The following LTBP1 variants were observed in gnomAD, a reference collection of about 807,000 sequenced individuals.
LTBP1 encodes latent transforming growth factor beta binding protein 1.
In LTBP1, 129 loss-of-function variants were observed where a neutral mutation model predicts 207.6. That is an observed-to-expected ratio of 0.62 (90% CI 0.54 to 0.72). The LOEUF (loss-of-function observed/expected upper bound fraction) is 0.72. Among genes scored for constraint, LTBP1 ranks in the 30% least tolerant of loss-of-function variants. The probability of loss-of-function intolerance (pLI) is 0.00; values close to 1 mark genes in which losing one functional copy is unlikely to be tolerated. For missense variants in LTBP1, 2,281 were observed against 2,217.2 expected (o/e 1.03, Z -0.58); for synonymous variants, 963 against 833.7 (o/e 1.16, Z -2.67).
intron 5 of LTBP1, among the ~76,000 whole-genome samples, chr2:33,163,925 A>G (rs886479619): frequency 1.3e-5 from 2 of 152,224 alleles, no homozygotes; most frequent in East Asian, 3.9e-4. Flanking sequence ...ATAGTGCTCT[A>G]TCCAGAAAAG....
At chr2:32,963,526 A>G (rs1403372531) in intron 2 of LTBP1, among the ~76,000 whole-genome samples, 1 of 152,074 alleles carries the variant, frequency 6.6e-6, no homozygotes, top group Non-Finnish European at 1.5e-5. Flanking sequence ...GCACATTAAT[A>G]CACATTCTAT....
At chr2:33,011,552 C>T (rs924466599) in intron 2 of LTBP1, among the ~76,000 whole-genome samples, 11 of 151,968 alleles carry the variant, frequency 7.2e-5, no homozygotes, top group African/African-American at 7.3e-5. Flanking sequence ...AGGGAGAAGA[C>T]GGCCATCTAC....
chr2:33,313,210 G>A (rs1430307990), intron 23 of LTBP1, among the ~76,000 whole-genome samples: 1 of 152,194 alleles, frequency 6.6e-6, no homozygotes, highest in Non-Finnish European at 1.5e-5. Context: ...AACAAGAATA[G>A]GAGAATTGTT....
chr2:33,372,982 C>T (rs975016155), intron 31 of LTBP1, among the ~76,000 whole-genome samples: 2 of 152,228 alleles, frequency 1.3e-5, no homozygotes, highest in Admixed American at 6.5e-5. Context: ...GAAAATTATA[C>T]ATATTTGAAC....
intron 2 of LTBP1, among the ~76,000 whole-genome samples, chr2:32,959,971 A>G (rs986530942): frequency 7.9e-5 from 12 of 152,016 alleles, no homozygotes; most frequent in African/African-American, 2.4e-5. Flanking sequence ...TCCCATATGC[A>G]TTTCATGTTC....
intron 11 of LTBP1, among the ~76,000 whole-genome samples, chr2:33,254,072 T>A (rs140856806): frequency 2.6e-5 from 4 of 151,964 alleles, no homozygotes; most frequent in African/African-American, 7.2e-5. Context: ...TTTTTGTATT[T>A]TTAGTAGAGA....
intron 2 of LTBP1, among the ~76,000 whole-genome samples, chr2:33,004,388 C>T (rs950475233): frequency 2.6e-5 from 4 of 152,032 alleles, no homozygotes; most frequent in African/African-American, 9.7e-5. Context: ...ATGGAATCCC[C>T]TTATATGGGC....
At chr2:33,068,582 A>G (rs558036661) in intron 3 of LTBP1, among the ~76,000 whole-genome samples, 4 of 152,274 alleles carry the variant, frequency 2.6e-5, no homozygotes, top group African/African-American at 9.6e-5. Context: ...AAAATCCTCT[A>G]TGCTCCACCT....
At chr2:33,324,995 G>A (rs553461511) in intron 24 of LTBP1, among the ~76,000 whole-genome samples, 15 of 152,220 alleles carry the variant, frequency 9.9e-5, no homozygotes, top group East Asian at 9.7e-4. Flanking sequence ...GTGAGCCACC[G>A]CACCTGGCCT....
chr2:32,966,388 G>T (rs943662348), intron 2 of LTBP1, among the ~76,000 whole-genome samples: 1 of 151,998 alleles, frequency 6.6e-6, no homozygotes, highest in South Asian at 2.1e-4. Flanking sequence ...GTTATATCTT[G>T]TTTTATTTTA....
At position 33,147,331 on chromosome 2, in the gene LTBP1, G is replaced by A. The variant is rs747842834; in HGVS notation, c.1201+12371G>A. ...CTTTAATGTCCGTAGGAGTCATTAT[G>A]GATCTTATTAAATGCAGATTCTGAT... On this transcript the variant is annotated intron_variant, in intron 5 of 33. Coordinates refer to ENST00000404816, the MANE Select transcript of LTBP1 (RefSeq NM_206943.4). Among the ~76,000 whole-genome samples the A allele has an allele frequency of 4.9e-4, 74 of 152,160 alleles. 1 individual carries two copies. The highest frequency in any genetic ancestry group is 2.9e-4 in the Non-Finnish European group (20 of 68,032).
intron 5 of LTBP1, among the ~76,000 whole-genome samples, chr2:33,167,284 A>G (rs1298407918): frequency 6.6e-6 from 1 of 152,040 alleles, no homozygotes; most frequent in Non-Finnish European, 1.5e-5. Context: ...TGGAAAGCAA[A>G]TTATAAAAAT....
At chr2:33,171,658 G>A (rs1371968122) in intron 5 of LTBP1, among the ~76,000 whole-genome samples, 12 of 151,678 alleles carry the variant, frequency 7.9e-5, no homozygotes, top group Non-Finnish European at 1.5e-4. Context: ...TACAGAGAAC[G>A]CCACAAAGAT....
rs992273952 is a variant in LTBP1, at chr2:33,162,387, C to G, written c.1202-24469C>G. ...GTCATGACTATATATCTAATAATTA[C>G]TTAGGAAATCCTCTCAATCTCTGGG... On this transcript the variant is annotated intron_variant, in intron 5 of 33. Coordinates refer to ENST00000404816, the MANE Select transcript of LTBP1 (RefSeq NM_206943.4). 2.0e-5 allele frequency among the ~76,000 whole-genome samples: 3 copies of G among 152,160 alleles called. No individual in the cohort carries two copies. In the South Asian group the frequency reaches 6.2e-4, roughly 31 times the overall value.
intron 9 of LTBP1, among the ~76,000 whole-genome samples, chr2:33,222,506 T>C (rs945737488): frequency 1.3e-5 from 2 of 152,244 alleles, no homozygotes; most frequent in African/African-American, 4.8e-5. Context: ...TTAGCAGTTC[T>C]ACTTCATTGC....
intron 7 of LTBP1, among the ~76,000 whole-genome samples, chr2:33,212,026 A>G (rs2090349457): frequency 6.6e-6 from 1 of 152,204 alleles, no homozygotes; most frequent in South Asian, 2.1e-4. Context: ...TGCAATCTGT[A>G]ATTTTTGATG....
At chr2:32,993,438 T>C (rs1253928089) in intron 2 of LTBP1, among the ~76,000 whole-genome samples, 1 of 152,196 alleles carries the variant, frequency 6.6e-6, no homozygotes, top group Non-Finnish European at 1.5e-5. Flanking sequence ...CTCTCTCATA[T>C]ATACAAGTTC....
intron 3 of LTBP1, among the ~76,000 whole-genome samples, chr2:33,024,379 G>A (rs561937810): frequency 2.0e-5 from 3 of 152,276 alleles, no homozygotes; most frequent in African/African-American, 7.2e-5. Context: ...AGGCATTTAA[G>A]CAAAGGCCTG....
intron 1 of LTBP1, among the ~76,000 whole-genome samples, 185 bp from the exon 2 acceptor site, chr2:32,948,690 T>C (rs1676646752): frequency 6.6e-6 from 1 of 152,182 alleles, no homozygotes; most frequent in Admixed American, 6.5e-5. Context: ...CCCTGATATA[T>C]GTATGGGCCT....
Sources: gnomAD v4.1 joint callset for allele counts (sites outside exome capture counted in the v4.1 genomes callset) on GRCh38, gnomAD v4.1.1 for gene constraint, MANE v1.5 for transcripts, NCBI Gene and HGNC (gene_info 2026-07-23, HGNC 2026-07-21) for gene names.